The following AGBL1 variants were observed in gnomAD, a reference collection of about 807,000 sequenced individuals.
AGBL1 encodes cytosolic carboxypeptidase 4.
Under a neutral mutation model 118.9 loss-of-function variants are expected in AGBL1, and 130 were observed. The observed-to-expected ratio is 1.09, with a 90% CI of 0.95 to 1.26. The LOEUF is 1.26. Ranked by LOEUF, AGBL1 falls within the 50% of genes most tolerant of loss-of-function variation. The pLI is 0.00. For missense variants in AGBL1, 1,584 were observed against 1,298.1 expected (o/e 1.22, Z -3.38); for synonymous variants, 555 against 478.9 (o/e 1.16, Z -2.08).
At chr15:86,816,296 G>A (rs540775912) in intron 22 of AGBL1, among the ~76,000 whole-genome samples, 40 of 152,336 alleles carry the variant, frequency 2.6e-4, no homozygotes, top group African/African-American at 9.6e-4. Context: ...TAAAGAGAAA[G>A]TGAAGAAGGC....
chr15:86,522,987 C>A, intron 19 of AGBL1, 48 bp downstream of exon 19: 1 of 1,578,882 alleles, frequency 6.3e-7, no homozygotes, highest in Non-Finnish European at 8.7e-7. Context: ...TTCCTTCTAC[C>A]TTCCAGGAAG....
chr15:86,367,217 T>C (rs908488281), intron 17 of AGBL1, among the ~76,000 whole-genome samples: 2 of 152,224 alleles, frequency 1.3e-5, no homozygotes, highest in African/African-American at 4.8e-5. Flanking sequence ...CATGGTTTTA[T>C]CCAAAAACTA....
At chr15:86,774,290 T>A (rs1254916432) in intron 22 of AGBL1, among the ~76,000 whole-genome samples, 2 of 152,152 alleles carry the variant, frequency 1.3e-5, no homozygotes, top group Non-Finnish European at 2.9e-5. Flanking sequence ...AAAATCTGTA[T>A]GGCTTTTACA....
At chr15:86,085,068 G>A (rs1895545941) in intron 1 of AGBL1, among the ~76,000 whole-genome samples, 1 of 152,228 alleles carries the variant, frequency 6.6e-6, no homozygotes, top group Non-Finnish European at 1.5e-5. Context: ...CTGCCTTCAT[G>A]AAAATGTGGT....
intron 22 of AGBL1, among the ~76,000 whole-genome samples, chr15:86,765,526 C>A (rs1463167634): frequency 6.6e-6 from 1 of 151,882 alleles, no homozygotes; most frequent in Admixed American, 6.6e-5. Flanking sequence ...TGCAGAGGAG[C>A]AGCCATTGCT....
At chr15:86,563,518 T>C (rs1165596557) in intron 21 of AGBL1, among the ~76,000 whole-genome samples, 2 of 151,538 alleles carry the variant, frequency 1.3e-5, no homozygotes, top group Non-Finnish European at 2.9e-5. Flanking sequence ...CAGTTTGTTA[T>C]AATTTCTGTT....
At chr15:86,951,885 G>A (rs1006680175) in intron 23 of AGBL1, among the ~76,000 whole-genome samples, 7 of 152,102 alleles carry the variant, frequency 4.6e-5, no homozygotes, top group African/African-American at 1.7e-4. Flanking sequence ...ATTATGAAAT[G>A]ACTGTATATA....
At chr15:86,434,853 A>G (rs2081981592) in intron 18 of AGBL1, among the ~76,000 whole-genome samples, 1 of 152,198 alleles carries the variant, frequency 6.6e-6, no homozygotes, top group Non-Finnish European at 1.5e-5. Flanking sequence ...GAAGAGGTTT[A>G]TAGTCCAGCT....
intron 18 of AGBL1, among the ~76,000 whole-genome samples, chr15:86,438,657 C>CTTTTTTTTTTTTTT (rs35937855): frequency 6.1e-5 from 8 of 131,612 alleles, no homozygotes; most frequent in Non-Finnish European, 6.4e-5. Flanking sequence ...TAATCTGTCT[C>CTTTTTTTTTTTTTT]TTTTTTTTTT....
chr15:86,937,922 A>C (rs202191548), intron 23 of AGBL1, among the ~76,000 whole-genome samples: 2 of 152,224 alleles, frequency 1.3e-5, no homozygotes, highest in Non-Finnish European at 2.9e-5. Flanking sequence ...CAGGGACCTC[A>C]AAGTAGAATT....
chr15:86,211,892 G>A (rs1463664318), intron 5 of AGBL1, among the ~76,000 whole-genome samples: 4 of 152,152 alleles, frequency 2.6e-5, no homozygotes, highest in Non-Finnish European at 5.9e-5. Flanking sequence ...CACCTCAGTT[G>A]GAAATGCAGA....
At chr15:87,010,191 G>A (rs2081544052) in intron 24 of AGBL1, among the ~76,000 whole-genome samples, 1 of 152,090 alleles carries the variant, frequency 6.6e-6, no homozygotes, top group African/African-American at 2.4e-5. Flanking sequence ...AATCATGGGG[G>A]CAGGTATTTA....
intron 18 of AGBL1, among the ~76,000 whole-genome samples, chr15:86,445,097 T>C (rs1233798833): frequency 6.6e-6 from 1 of 152,176 alleles, no homozygotes; most frequent in Non-Finnish European, 1.5e-5. Context: ...TCCTATCTGC[T>C]TCACATGGGA....
At chr15:86,685,432 A>G (rs1303914381) in intron 22 of AGBL1, among the ~76,000 whole-genome samples, 1 of 152,134 alleles carries the variant, frequency 6.6e-6, no homozygotes, top group Non-Finnish European at 1.5e-5. Context: ...ATAGGAATGG[A>G]AACTAAATTA....
intron 6 of AGBL1, among the ~76,000 whole-genome samples, chr15:86,239,277 C>G (rs1345007023): frequency 6.6e-6 from 1 of 152,122 alleles, no homozygotes; most frequent in Non-Finnish European, 1.5e-5. Flanking sequence ...CCAAAATTTA[C>G]TTTATAGCCA....
At chr15:86,723,619 A>G (rs1171451857) in intron 22 of AGBL1, among the ~76,000 whole-genome samples, 1 of 152,206 alleles carries the variant, frequency 6.6e-6, no homozygotes, top group Non-Finnish European at 1.5e-5. Flanking sequence ...ACTAACCTGC[A>G]CGTTGTGCAC....
At chr15:86,925,120 G>A (rs2080518426) in intron 23 of AGBL1, among the ~76,000 whole-genome samples, 1 of 72,874 alleles carries the variant, frequency 1.4e-5, no homozygotes, top group African/African-American at 4.1e-5. Flanking sequence ...AGAAGAAGAA[G>A]AAGAAGAGGA....
intron 18 of AGBL1, among the ~76,000 whole-genome samples, chr15:86,398,455 T>G (rs1385067165): frequency 6.6e-6 from 1 of 151,728 alleles, no homozygotes; most frequent in Admixed American, 6.6e-5. Context: ...CTGAAAACAT[T>G]GAAGGAAAAA....
chr15:86,544,723 A>C (rs562518679), intron 19 of AGBL1, among the ~76,000 whole-genome samples: 38 of 152,288 alleles, frequency 2.5e-4, no homozygotes, highest in African/African-American at 8.9e-4. Context: ...CACCCTTGAC[A>C]TGTGGAGATT....
Sources: gnomAD v4.1 joint callset for allele counts (sites outside exome capture counted in the v4.1 genomes callset) on GRCh38, gnomAD v4.1.1 for gene constraint, MANE v1.5 for transcripts, NCBI Gene and HGNC (gene_info 2026-07-23, HGNC 2026-07-21) for gene names.